SLC4A10: variants seen among roughly 807,000 people sequenced by gnomAD.
SLC4A10 encodes the protein solute carrier family 4 member 10.
A neutral mutation model predicts 137.7 loss-of-function variants in SLC4A10; 42 were observed. That is an observed-to-expected ratio of 0.30 (90% CI 0.24 to 0.39). SLC4A10 has a LOEUF of 0.39. Among genes scored for constraint, SLC4A10 ranks in the 10% least tolerant of loss-of-function variants. The pLI, the probability that SLC4A10 is intolerant of heterozygous loss-of-function variation, is 1.00. For missense variants in SLC4A10, 925 were observed against 1,355.0 expected (o/e 0.68, Z 4.98); for synonymous variants, 474 against 464.1 (o/e 1.02, Z -0.27).
At chr2:161,849,700 C>T (rs2059713212) in intron 4 of SLC4A10, among the ~76,000 whole-genome samples, 1 of 151,858 alleles carries the variant, frequency 6.6e-6, no homozygotes, top group African/African-American at 2.4e-5. Context: ...TAATAAATAA[C>T]ATTTATTGAT....
At chr2:161,693,124 T>C (rs557327571) in intron 1 of SLC4A10, among the ~76,000 whole-genome samples, 1 of 152,178 alleles carries the variant, frequency 6.6e-6, no homozygotes, top group East Asian at 1.9e-4. Context: ...AATTCTGTTA[T>C]GATTTTTACA....
intron 2 of SLC4A10, among the ~76,000 whole-genome samples, chr2:161,797,539 T>TC (rs1311011666): frequency 1.3e-5 from 2 of 151,874 alleles, no homozygotes; most frequent in Non-Finnish European, 2.9e-5. Flanking sequence ...TTAGCCAGTT[T>TC]TTTTTTTTAC....
At chr2:161,791,454 T>C (rs777035828) in intron 2 of SLC4A10, among the ~76,000 whole-genome samples, 5 of 151,976 alleles carry the variant, frequency 3.3e-5, no homozygotes, top group Non-Finnish European at 7.4e-5. Context: ...CAACACACAC[T>C]GAGGCCTGTT....
rs571759157 is a variant in SLC4A10, at chr2:161,964,413, A to C, written c.3036+105A>C. On this transcript the variant is annotated intron_variant, in intron 22 of 26. Coordinates refer to ENST00000446997, the MANE Select transcript of SLC4A10 (RefSeq NM_001178015.2). ...TGGAACAACAGAGTCATTTTGAACA[A>C]TTATTGGAAAATATAAGTTTTGGCA... 10 of 1,229,024 alleles carry C rather than the reference A, an allele frequency of 8.1e-6. No individual in the cohort carries two copies. In the East Asian group the frequency reaches 2.4e-4, roughly 30 times the overall value. The allele number at this position is 1,229,024 out of a possible 1,614,324, so 76.1% of individuals were successfully genotyped here.
At chr2:161,751,662 C>T (rs1481716536) in intron 1 of SLC4A10, among the ~76,000 whole-genome samples, 1 of 151,766 alleles carries the variant, frequency 6.6e-6, no homozygotes, top group Non-Finnish European at 1.5e-5. Flanking sequence ...TTGCTGGCAT[C>T]ACCATCCTCC....
intron 1 of SLC4A10, chr2:161,710,569 G>A (rs559366860): frequency 2.9e-4 from 94 of 322,984 alleles, no homozygotes; most frequent in African/African-American, 1.7e-3. Flanking sequence ...AGCAAAGACT[G>A]GTTAGAATGT....
At chr2:161,637,868 A>G (rs2034685255) in intron 1 of SLC4A10, among the ~76,000 whole-genome samples, 1 of 152,150 alleles carries the variant, frequency 6.6e-6, no homozygotes, top group Non-Finnish European at 1.5e-5. Context: ...GATGTTGAGC[A>G]GTTTTTCATA....
intron 15 of SLC4A10, among the ~76,000 whole-genome samples, chr2:161,928,649 C>CAAAAAAAAAA (rs34327479): frequency 2.0e-5 from 2 of 99,326 alleles, no homozygotes; most frequent in Admixed American, 1.0e-4. Flanking sequence ...TCCTTGAAAG[C>CAAAAAAAAAA]AAAAAAAAAA....
chr2:161,637,014 G>A (rs934057330), intron 1 of SLC4A10, among the ~76,000 whole-genome samples: 12 of 147,646 alleles, frequency 8.1e-5, no homozygotes, highest in East Asian at 2.0e-4. Flanking sequence ...CACTATACCC[G>A]GCCTACATTT....
At chr2:161,947,775 A>T (rs758739335) in intron 17 of SLC4A10, 48 bp downstream of exon 17, 2 of 1,570,432 alleles carry the variant, frequency 1.3e-6, no homozygotes, top group Non-Finnish European at 1.7e-6. Context: ...ATAGGACAAA[A>T]GAAAGAGTAA....
At position 161,872,274 on chromosome 2, in the gene SLC4A10, T is replaced by C; in HGVS notation, c.767-19T>C. 6.3e-7 allele frequency: 1 copy of C among 1,597,420 alleles called. No individual in the cohort carries two copies. On this transcript the variant is annotated intron_variant, in intron 6 of 26. Coordinates refer to ENST00000446997, the MANE Select transcript of SLC4A10 (RefSeq NM_001178015.2). ...TATGTAAGTAATTGTTTGTATTCTG[T>C]CACAACAATCTCTTTTAGCAGGTCA...
intron 1 of SLC4A10, among the ~76,000 whole-genome samples, chr2:161,720,730 G>T (rs1229167010): frequency 6.6e-6 from 1 of 151,644 alleles, no homozygotes; most frequent in African/African-American, 2.4e-5. Context: ...CCATTTGCTT[G>T]GTAAATTTTC....
chr2:161,970,098 T>C (rs1033772272), intron 23 of SLC4A10, among the ~76,000 whole-genome samples: 34 of 152,212 alleles, frequency 2.2e-4, no homozygotes, highest in Middle Eastern at 3.2e-3. Flanking sequence ...TGGGTGATTC[T>C]GGTGCTAAAG....
intron 2 of SLC4A10, among the ~76,000 whole-genome samples, chr2:161,787,466 C>T (rs1175952230): frequency 6.6e-6 from 1 of 152,046 alleles, no homozygotes; most frequent in African/African-American, 2.4e-5. Context: ...TGTCTACCTC[C>T]CAACAAGATC....
chr2:161,677,288 G>A (rs750821892), intron 1 of SLC4A10, among the ~76,000 whole-genome samples: 1 of 152,104 alleles, frequency 6.6e-6, no homozygotes, highest in South Asian at 2.1e-4. Flanking sequence ...TACCTCACTG[G>A]AAGCAGATGC....
intron 4 of SLC4A10, among the ~76,000 whole-genome samples, chr2:161,846,712 A>C (rs979625585): frequency 6.6e-6 from 1 of 152,226 alleles, no homozygotes; most frequent in Admixed American, 6.5e-5. Flanking sequence ...TTAGTAAAAA[A>C]GTGTCAATCT....
intron 1 of SLC4A10, among the ~76,000 whole-genome samples, chr2:161,683,266 G>A (rs576118648): frequency 3.5e-4 from 53 of 152,276 alleles, no homozygotes; most frequent in South Asian, 2.5e-3. Flanking sequence ...CAAGGACTGC[G>A]TTTAGTTTAC....
intron 5 of SLC4A10, among the ~76,000 whole-genome samples, chr2:161,856,358 A>AACAC (rs55983659): frequency 0.26 from 36,936 of 141,562 alleles, 4,996 homozygotes; most frequent in East Asian, 0.33. Context: ...AAAATACTAA[A>AACAC]ACACACACAC....
chr2:161,944,315 T>C (rs1693304679), intron 16 of SLC4A10, among the ~76,000 whole-genome samples: 2 of 151,902 alleles, frequency 1.3e-5, no homozygotes, highest in African/African-American at 2.4e-5. Context: ...TCTTGATGTC[T>C]TCTTCAATAT....
Sources: gnomAD v4.1 joint callset for allele counts (sites outside exome capture counted in the v4.1 genomes callset) on GRCh38, gnomAD v4.1.1 for gene constraint, MANE v1.5 for transcripts, NCBI Gene and HGNC (gene_info 2026-07-23, HGNC 2026-07-21) for gene names.